Variants in ASMT observed in about 807,000 individuals in gnomAD.
ASMT encodes the protein acetylserotonin O-methyltransferase.
Under a neutral mutation model 41.3 loss-of-function variants are expected in ASMT, and 53 were observed. That is an observed-to-expected ratio of 1.28 (90% CI 1.03 to 1.61). ASMT has a LOEUF of 1.61. Among genes scored for constraint, ASMT ranks in the 40% most tolerant of loss-of-function variants. ASMT has a pLI of 0.00. For missense variants in ASMT, 531 were observed against 441.3 expected, an observed-to-expected ratio of 1.20 and a Z score of -1.82; for synonymous variants, 231 against 184.8, an observed-to-expected ratio of 1.25 and a Z score of -2.03.
At chrX:1,615,799 G>C (rs1268994085) in intron 1 of ASMT, among the ~76,000 whole-genome samples, 3 of 150,710 alleles carry the variant, frequency 2.0e-5, no homozygotes, top group Admixed American at 6.6e-5. Flanking sequence ...AAGACTCTGT[G>C]TCAAAAAAAA....
At chrX:1,616,497 G>A in intron 1 of ASMT, among the ~76,000 whole-genome samples, 1 of 151,286 alleles carries the variant, frequency 6.6e-6, no homozygotes, top group East Asian at 1.9e-4. Flanking sequence ...TTGGGGTGAT[G>A]CAAATGTTCT....
rs1250753551 is a variant in ASMT, at chrX:1,615,264, C to A, written c.65C>A (p.Ser22Tyr). ...GACTACGCCAACGGCTTCATGGTGTCCCAGGTAGGATACGCTCTGTGGGAC... is the reference window on the plus strand; with the variant it reads ...GACTACGCCAACGGCTTCATGGTGTACCAGGTAGGATACGCTCTGTGGGAC... The part of the protein sequence containing the change: ...LNDYANGFMV[S>Y]QVLFAACELG... The change falls in exon 1 of 9, where the codon TCC becomes TAC. Residue 22 changes from serine (S) to tyrosine (Y), a missense_variant. By Grantham distance (144) the Ser-to-Tyr change is moderately radical (BLOSUM62 -2). Transcript: ENST00000381241. The A allele has an allele frequency of 6.3e-7, 1 of 1,591,836 alleles. No homozygotes were observed.
chrX:1,624,013 T>C (rs1377725569), intron 2 of ASMT, among the ~76,000 whole-genome samples: 1 of 152,030 alleles, frequency 6.6e-6, no homozygotes, highest in Non-Finnish European at 1.5e-5. Flanking sequence ...CTCATCTGCC[T>C]TTGTACTTGC....
intron 3 of ASMT, among the ~76,000 whole-genome samples, chrX:1,625,388 C>T (rs1433870399): frequency 6.6e-6 from 1 of 151,522 alleles, no homozygotes; most frequent in Non-Finnish European, 1.5e-5. Flanking sequence ...CCCAGCTACT[C>T]AGGAGGCTAA....
intron 5 of ASMT, among the ~76,000 whole-genome samples, chrX:1,630,871 T>TTTTATTTATTTATTTA (rs112497831): frequency 3.0e-4 from 42 of 139,950 alleles, no homozygotes; most frequent in African/African-American, 1.1e-3. Flanking sequence ...GCTGAGCTTG[T>TTTTATTTATTTATTTA]TTTATTTATT....
intron 1 of ASMT, among the ~76,000 whole-genome samples, chrX:1,619,358 C>T (rs1934253523): frequency 6.7e-6 from 1 of 149,184 alleles, no homozygotes; most frequent in African/African-American, 2.5e-5. Flanking sequence ...CACGCCACTG[C>T]ACTCCAGCCT....
At chrX:1,622,763 T>C (rs1447142484) in intron 1 of ASMT, among the ~76,000 whole-genome samples, 1 of 150,918 alleles carries the variant, frequency 6.6e-6, no homozygotes, top group Non-Finnish European at 1.5e-5. Flanking sequence ...AACACAAAAA[T>C]TAGACAGGCA....
intron 3 of ASMT, 160 bp from the exon 4 acceptor site, chrX:1,627,543 C>T (rs1389045286): frequency 4.8e-6 from 1 of 209,822 alleles, no homozygotes; most frequent in Non-Finnish European, 8.3e-6. Flanking sequence ...ATGGCGTGAA[C>T]CCAGAAGGCA....
intron 3 of ASMT, among the ~76,000 whole-genome samples, chrX:1,626,166 G>A (rs1187782172): frequency 6.6e-6 from 1 of 151,836 alleles, no homozygotes; most frequent in Non-Finnish European, 1.5e-5. Flanking sequence ...TCCACAACAG[G>A]TAGCTTTACA....
At chrX:1,619,574 A>ATAAT (rs1262094951) in intron 1 of ASMT, among the ~76,000 whole-genome samples, 5 of 146,296 alleles carry the variant, frequency 3.4e-5, no homozygotes, top group Non-Finnish European at 7.5e-5. Context: ...AATAATAATA[A>ATAAT]TAATAATAAT....
intron 1 of ASMT, among the ~76,000 whole-genome samples, chrX:1,622,613 G>A (rs192115217): frequency 2.0e-5 from 3 of 151,866 alleles, no homozygotes; most frequent in Non-Finnish European, 2.9e-5. Flanking sequence ...AGGTTGCACG[G>A]CTATGGAAAA....
intron 1 of ASMT, among the ~76,000 whole-genome samples, chrX:1,618,129 C>T (rs1254678524): frequency 6.6e-5 from 10 of 152,072 alleles, no homozygotes; most frequent in Non-Finnish European, 1.5e-4. Context: ...CAGGTGCCTG[C>T]CACCAAGCCT....
chrX:1,642,757 G>A (rs764280515), intron 8 of ASMT, 46 bp from the exon 9 acceptor site: 1 of 1,568,274 alleles, frequency 6.4e-7, no homozygotes, highest in East Asian at 2.2e-5. Context: ...GGCACAGTCT[G>A]TCTGTGTGTT....
At chrX:1,626,407 G>C (rs62593338) in intron 3 of ASMT, among the ~76,000 whole-genome samples, 48,223 of 151,334 alleles carry the variant, frequency 0.32, 7,499 homozygotes, top group Middle Eastern at 0.43. Flanking sequence ...GATTGTTTGT[G>C]TTTTAGTAGA....
At position 1,620,247 on chromosome X, in the gene ASMT, C is replaced by T. The variant is rs370160174; in HGVS notation, c.70-2892C>T. Among the ~76,000 whole-genome samples, 21 of 137,262 alleles carry T rather than the reference C, an allele frequency of 1.5e-4. 2 individuals carry two copies. Among genetic ancestry groups the T allele is most frequent in the African/African-American group, 5.5e-4 (20 of 36,658 alleles). 90.0% of individuals were successfully genotyped at this position (137,262 alleles called of 152,430 possible). Reference sequence around the variant, plus strand: ...AGGGCAGTGGCATGATCTCAGCTCACTGCAACCTCCGCCTCCCGGGTTCAG... The same window carrying T: ...AGGGCAGTGGCATGATCTCAGCTCATTGCAACCTCCGCCTCCCGGGTTCAG... On this transcript the variant is annotated intron_variant, in intron 1 of 8. Coordinates refer to ENST00000381241, the MANE Select transcript of ASMT (RefSeq NM_001171038.2).
intron 1 of ASMT, among the ~76,000 whole-genome samples, chrX:1,622,895 C>T (rs1269408054): frequency 6.6e-6 from 1 of 150,648 alleles, no homozygotes; most frequent in Non-Finnish European, 1.5e-5. Flanking sequence ...CTGGGTGATA[C>T]AGTGAGACTT....
At chrX:1,641,455 G>C (rs754985971) in intron 8 of ASMT, among the ~76,000 whole-genome samples, 4 of 145,892 alleles carry the variant, frequency 2.7e-5, no homozygotes, top group African/African-American at 5.0e-5. Flanking sequence ...GATGGGGACA[G>C]TGTCCCAGCT....
intron 1 of ASMT, among the ~76,000 whole-genome samples, chrX:1,616,492 G>T (rs1294757889): frequency 6.6e-6 from 1 of 151,260 alleles, no homozygotes; most frequent in Non-Finnish European, 1.5e-5. Flanking sequence ...CCTTTTTGGG[G>T]TGATGCAAAT....
chrX:1,622,570 T>A (rs1934374228), intron 1 of ASMT, among the ~76,000 whole-genome samples: 1 of 150,496 alleles, frequency 6.6e-6, no homozygotes, highest in African/African-American at 2.4e-5. Context: ...TAGGTATGAG[T>A]TAAAGCACCC....
Sources: allele counts gnomAD v4.1 joint callset (sites outside exome capture counted in the v4.1 genomes callset), GRCh38; gene constraint gnomAD v4.1.1; transcripts MANE v1.5; gene names NCBI Gene and HGNC (gene_info 2026-07-23, HGNC 2026-07-21).